Variants in SNX4 observed in about 807,000 individuals in gnomAD.
SNX4 encodes the protein sorting nexin-4.
A neutral mutation model predicts 70.8 loss-of-function variants in SNX4; 49 were observed. The ratio of observed to expected loss-of-function variants is 0.69; its 90% CI spans 0.55 to 0.88. The LOEUF is 0.88. SNX4 is among the 40% of genes least tolerant of loss of function. The probability of loss-of-function intolerance (pLI) is 0.00; values close to 1 mark genes in which losing one functional copy is unlikely to be tolerated. For synonymous variants in SNX4, 206 were observed against 183.8 expected (o/e 1.12, Z -0.98); for missense variants, 528 against 544.8 (o/e 0.97, Z 0.31).
At chr3:125,470,668 G>A (rs1934146173) in intron 8 of SNX4, among the ~76,000 whole-genome samples, 1 of 152,026 alleles carries the variant, frequency 6.6e-6, no homozygotes, top group Non-Finnish European at 1.5e-5. Flanking sequence ...ATGCCTGAAA[G>A]TCAAGATTTT....
At position 125,498,150 on chromosome 3, in the gene SNX4, A is replaced by G. The variant is rs1004940810; in HGVS notation, c.308T>C (p.Leu103Pro). 11 of 1,614,030 alleles carry G rather than the reference A, an allele frequency of 6.8e-6. No homozygotes were observed. The highest frequency in any genetic ancestry group is 9.3e-6 in the Non-Finnish European group (11 of 1,179,982). ...CTCAAATTCACTATATCGCCGCCAT[A>G]GTGAGTCTGTTAGGACACTCTGACC... is the stretch of plus-strand genomic sequence containing the variant. ...TDGQSVLTDS[L>P]WRRYSEFELL... The change falls in exon 3 of 14, where the codon CTA becomes CCA. Residue 103 changes from leucine to proline, a missense_variant. This residue lies in a region of SNX4 where 341 missense variants were observed against 312.2 expected (regional missense o/e 1.09). Transcript: ENST00000251775.
chr3:125,467,104 G>T (rs183149695), intron 9 of SNX4, among the ~76,000 whole-genome samples: 5,250 of 124,922 alleles, frequency 0.042, 229 homozygotes, highest in African/African-American at 0.099. Flanking sequence ...AAAAAAAAAA[G>T]GGCCAGGTGC....
intron 1 of SNX4, among the ~76,000 whole-genome samples, chr3:125,514,490 C>G (rs963835335): frequency 6.0e-5 from 9 of 150,924 alleles, no homozygotes; most frequent in Non-Finnish European, 1.3e-4. Flanking sequence ...CTCCTAGGTT[C>G]AAGCGATTCT....
At chr3:125,476,587 A>C (rs1315961221) in intron 8 of SNX4, 108 bp downstream of exon 8, 10 of 738,298 alleles carry the variant, frequency 1.4e-5, no homozygotes, top group Non-Finnish European at 2.3e-5. Flanking sequence ...AAAAACAAAC[A>C]AAAAAAGAAA....
intron 1 of SNX4, among the ~76,000 whole-genome samples, chr3:125,506,487 T>C (rs889329348): frequency 1.5e-4 from 23 of 151,436 alleles, no homozygotes; most frequent in African/African-American, 5.1e-4. Context: ...ATTACAGGCT[T>C]GTGCCACCAT....
intron 1 of SNX4, among the ~76,000 whole-genome samples, chr3:125,507,652 T>C (rs923538155): frequency 3.3e-5 from 5 of 152,202 alleles, no homozygotes; most frequent in Non-Finnish European, 7.3e-5. Flanking sequence ...ATAAGGAATC[T>C]TCAATAAGGT....
intron 12 of SNX4, 107 bp downstream of exon 12, chr3:125,453,703 A>T: frequency 1.9e-6 from 2 of 1,054,994 alleles, no homozygotes; most frequent in Non-Finnish European, 2.7e-6. Context: ...GTATTCAGGG[A>T]TGCCAATGAA....
intron 10 of SNX4, among the ~76,000 whole-genome samples, chr3:125,459,737 C>A (rs116687640): frequency 0.038 from 5,754 of 152,130 alleles, 248 homozygotes; most frequent in African/African-American, 0.092. Flanking sequence ...CTCACCTAGC[C>A]AACTTTCTTT....
intron 1 of SNX4, among the ~76,000 whole-genome samples, chr3:125,506,817 T>TGAAAAAAAAAAAAAAAAA (rs199752160): frequency 3.7e-5 from 1 of 26,820 alleles, no homozygotes; most frequent in African/African-American, 9.7e-5. Context: ...GTGGAGAAAG[T>TGAAAAAAAAAAAAAAAAA]AAAAAAAAAA....
chr3:125,493,623 C>T (rs2107556033), intron 5 of SNX4, among the ~76,000 whole-genome samples: 1 of 146,284 alleles, frequency 6.8e-6, no homozygotes, highest in South Asian at 2.2e-4. Context: ...CACGGCACTC[C>T]AGCCTAAGTG....
At chr3:125,519,043 T>C (rs530147610) in intron 1 of SNX4, among the ~76,000 whole-genome samples, 3 of 152,100 alleles carry the variant, frequency 2.0e-5, no homozygotes, top group Admixed American at 1.3e-4. Context: ...TTAATTAATT[T>C]AGCCGTGCGT....
chr3:125,476,265 C>CAAAAAAA (rs749425097), intron 8 of SNX4, among the ~76,000 whole-genome samples: 1 of 46,816 alleles, frequency 2.1e-5, no homozygotes, highest in Admixed American at 2.5e-4. Flanking sequence ...GACTCCATCT[C>CAAAAAAA]AAAAAAAAAA....
chr3:125,468,608 G>A (rs1934092871), intron 9 of SNX4, among the ~76,000 whole-genome samples: 1 of 152,156 alleles, frequency 6.6e-6, no homozygotes, highest in Non-Finnish European at 1.5e-5. Flanking sequence ...CACTTTGGGA[G>A]GCCAAGGCAG....
At chr3:125,492,249 C>T (rs890653432) in intron 5 of SNX4, among the ~76,000 whole-genome samples, 4 of 152,010 alleles carry the variant, frequency 2.6e-5, no homozygotes, top group African/African-American at 9.7e-5. Context: ...TAGTAAAGCA[C>T]ACCCAGTCTG....
intron 6 of SNX4, among the ~76,000 whole-genome samples, chr3:125,484,114 C>T (rs374583199): frequency 8.5e-5 from 13 of 152,274 alleles, no homozygotes; most frequent in East Asian, 7.7e-4. Flanking sequence ...CAAAAGTGAA[C>T]GTGTAAATGC....
intron 6 of SNX4, among the ~76,000 whole-genome samples, chr3:125,487,131 A>C (rs1934549360): frequency 6.6e-6 from 1 of 152,042 alleles, no homozygotes; most frequent in East Asian, 1.9e-4. Flanking sequence ...TAACAAAACT[A>C]TTTTAGTAAT....
intron 6 of SNX4, among the ~76,000 whole-genome samples, chr3:125,480,689 A>T (rs1052584070): frequency 6.6e-6 from 1 of 152,182 alleles, no homozygotes; most frequent in South Asian, 2.1e-4. Context: ...ATTCTGCTCA[A>T]GTAATTTGCT....
intron 8 of SNX4, among the ~76,000 whole-genome samples, chr3:125,471,131 G>A (rs1053138067): frequency 2.0e-5 from 3 of 152,054 alleles, no homozygotes; most frequent in Non-Finnish European, 4.4e-5. Flanking sequence ...GATCACCTGA[G>A]GTCGGGAGTT....
chr3:125,484,926 C>T (rs1183538374), intron 6 of SNX4, among the ~76,000 whole-genome samples: 2 of 151,850 alleles, frequency 1.3e-5, no homozygotes, highest in African/African-American at 2.4e-5. Flanking sequence ...ATTAGCTGGG[C>T]GTGGTGGTGG....
Sources: gnomAD v4.1 joint callset for allele counts (sites outside exome capture counted in the v4.1 genomes callset) on GRCh38, gnomAD v4.1.1 for gene constraint, gnomAD v4.1.1 regional missense constraint, MANE v1.5 for transcripts, NCBI Gene and HGNC (gene_info 2026-07-23, HGNC 2026-07-21) for gene names.